TEX11: variants seen among roughly 807,000 people sequenced by gnomAD.
TEX11 encodes the protein testis expressed 11.
TEX11 carries 7 observed loss-of-function variants against 84.4 expected under a neutral mutation model. The ratio of observed to expected loss-of-function variants is 0.08; its 90% CI spans 0.05 to 0.16. TEX11 has a LOEUF of 0.16. Ranked by LOEUF, TEX11 falls within the 10% of genes least tolerant of loss-of-function variation. The pLI is 1.00. For synonymous variants in TEX11, 264 were observed against 222.8 expected, an observed-to-expected ratio of 1.18 and a Z score of -1.64; for missense variants, 551 against 660.5, an observed-to-expected ratio of 0.83 and a Z score of 1.82.
chrX:70,892,506 G>A (rs984985365), intron 2 of TEX11, among the ~76,000 whole-genome samples: 3 of 111,386 alleles, frequency 2.7e-5, no homozygotes, highest in South Asian at 7.6e-4. Flanking sequence ...AGGCTGAGGC[G>A]GGTGGATCAA....
At chrX:70,533,330 T>A (rs2087913538) in intron 28 of TEX11, among the ~76,000 whole-genome samples, 1 of 111,714 alleles carries the variant, frequency 9.0e-6, no homozygotes, top group Non-Finnish European at 1.9e-5. Flanking sequence ...TAAGTTCTAT[T>A]TTAAACAAGT....
chrX:70,844,255 T>G (rs1446296708), intron 7 of TEX11, among the ~76,000 whole-genome samples: 1 of 109,537 alleles, frequency 9.1e-6, no homozygotes, highest in Non-Finnish European at 1.9e-5. Flanking sequence ...ATGTGGCACA[T>G]ATACACCATG....
the TEX11 span, among the ~76,000 whole-genome samples, chrX:70,522,843 G>A: frequency 9.1e-5 from 10 of 110,301 alleles, no homozygotes; most frequent in African/African-American, 2.6e-4. Flanking sequence ...GCGCCTGGCC[G>A]ACAGAGGGTT....
intron 9 of TEX11, among the ~76,000 whole-genome samples, chrX:70,777,313 T>C (rs984091640): frequency 8.9e-6 from 1 of 111,965 alleles, no homozygotes; most frequent in Non-Finnish European, 1.9e-5. Flanking sequence ...GAATAAAATG[T>C]GGAGCTTTTT....
chrX:70,896,183 AC>A (rs2046406421), intron 2 of TEX11, among the ~76,000 whole-genome samples: 1 of 112,503 alleles, frequency 8.9e-6, no homozygotes, highest in South Asian at 3.6e-4. Flanking sequence ...CAAGAAAAAA[AC>A]AACCCCATCA....
intron 12 of TEX11, among the ~76,000 whole-genome samples, chrX:70,724,705 G>A (rs1031452968): frequency 6.3e-5 from 7 of 110,665 alleles, no homozygotes; most frequent in Non-Finnish European, 7.6e-5. Context: ...CACCAGGTAT[G>A]GTGTTAAATG....
At chrX:70,620,053 T>C (rs1462118200) in intron 20 of TEX11, among the ~76,000 whole-genome samples, 3 of 110,839 alleles carry the variant, frequency 2.7e-5, no homozygotes, top group African/African-American at 6.6e-5. Context: ...CTCAATCTCC[T>C]GACCTTGTGA....
At chrX:70,731,976 C>G (rs1375242504) in intron 11 of TEX11, among the ~76,000 whole-genome samples, 1 of 111,997 alleles carries the variant, frequency 8.9e-6, no homozygotes, top group Admixed American at 9.5e-5. Flanking sequence ...GACTTCATCC[C>G]TGGGATGCGA....
At chrX:70,769,738 A>C (rs368588889) in intron 9 of TEX11, among the ~76,000 whole-genome samples, 1 of 111,474 alleles carries the variant, frequency 9.0e-6, no homozygotes, top group African/African-American at 3.3e-5. Context: ...CTAAATTACT[A>C]AATAGGTGAT....
intron 24 of TEX11, among the ~76,000 whole-genome samples, chrX:70,602,805 A>C (rs1353580495): frequency 2.2e-5 from 2 of 89,673 alleles, no homozygotes; most frequent in Admixed American, 2.6e-4. Flanking sequence ...AGAAAACCCC[A>C]TTGTCTCAGC....
intron 24 of TEX11, among the ~76,000 whole-genome samples, chrX:70,596,196 C>A (rs1019222767): frequency 4.5e-5 from 5 of 111,441 alleles, no homozygotes; most frequent in Admixed American, 3.8e-4. Flanking sequence ...TAGTTGGAGA[C>A]TTCAATAGCC....
intron 17 of TEX11, among the ~76,000 whole-genome samples, chrX:70,643,754 T>C (rs929066269): frequency 2.0e-5 from 2 of 101,484 alleles, no homozygotes; most frequent in Admixed American, 1.1e-4. Context: ...TCCTTACACC[T>C]TATACAAAAA....
At chrX:70,529,215 C>A in intron 29 of TEX11, 28 bp from the exon 30 acceptor site, 23 of 1,131,644 alleles carry the variant, frequency 2.0e-5, no homozygotes, top group Non-Finnish European at 2.8e-5. Context: ...AAATAGATTT[C>A]TTGAGGGGAA....
intron 13 of TEX11, among the ~76,000 whole-genome samples, chrX:70,705,631 C>T (rs2090366545): frequency 9.0e-6 from 1 of 111,647 alleles, no homozygotes; most frequent in South Asian, 3.8e-4. Context: ...CAAACAACCC[C>T]ATCAAAAAGT....
At chrX:70,831,028 A>G (rs778751099) in intron 8 of TEX11, among the ~76,000 whole-genome samples, 1 of 111,998 alleles carries the variant, frequency 8.9e-6, no homozygotes, top group Non-Finnish European at 1.9e-5. Context: ...CTGCAGCATT[A>G]TTTACAATAG....
rs549201546 is a variant in TEX11, at chrX:70,808,107, CAAAAAAAAAAAAAAAAA to C, written c.607-1334_607-1318del. On this transcript the variant is annotated intron_variant, in intron 8 of 29. Coordinates refer to ENST00000374333, the MANE Select transcript of TEX11 (RefSeq NM_031276.3). ...TGGATGACAGAGTGAGACTCTGTCT[CAAAAAAAAAAAAAAAAA>C]AAAAAAAAAAAAAAAAAAAGAATGA... 3.1e-4 allele frequency among the ~76,000 whole-genome samples: 10 copies of C among 32,610 alleles called. No individual in the cohort carries two copies. The South Asian group carries it at 0.022, about 71-fold the overall frequency. The allele number at this position is 32,610 out of a possible 115,157, so 28.3% of individuals were successfully genotyped here.
At chrX:70,577,465 G>T (rs1462646002) in intron 25 of TEX11, among the ~76,000 whole-genome samples, 1 of 110,977 alleles carries the variant, frequency 9.0e-6, no homozygotes, top group Non-Finnish European at 1.9e-5. Flanking sequence ...TGGAATATGA[G>T]CTATTTCAGA....
At chrX:70,720,411 C>A (rs942372732) in intron 13 of TEX11, among the ~76,000 whole-genome samples, 2 of 110,135 alleles carry the variant, frequency 1.8e-5, no homozygotes, top group African/African-American at 3.3e-5. Flanking sequence ...GGAGATATAC[C>A]TAATGTAAAT....
At chrX:70,651,119 T>C (rs2089805398) in intron 17 of TEX11, among the ~76,000 whole-genome samples, 1 of 111,955 alleles carries the variant, frequency 8.9e-6, no homozygotes, top group African/African-American at 3.2e-5. Context: ...TTTAGTATAA[T>C]CTCACCCACA....
Sources: allele counts gnomAD v4.1 joint callset (sites outside exome capture counted in the v4.1 genomes callset), GRCh38; gene constraint gnomAD v4.1.1; transcripts MANE v1.5; gene names NCBI Gene and HGNC (gene_info 2026-07-23, HGNC 2026-07-21).